Variants in RHCE observed in about 807,000 individuals in gnomAD.
RHCE encodes the protein Rh blood group CcEe antigens, also known as blood group Rh(CE) polypeptide.
RHCE carries 22 observed loss-of-function variants against 43.8 expected under a neutral mutation model. That is an observed-to-expected ratio of 0.50 (90% CI 0.36 to 0.72). The LOEUF (loss-of-function observed/expected upper bound fraction) is 0.72. Among genes scored for constraint, RHCE ranks in the 30% least tolerant of loss-of-function variants. The pLI is 0.00. For missense variants in RHCE, 385 were observed against 525.4 expected (o/e 0.73, Z 2.61); for synonymous variants, 156 against 210.7 (o/e 0.74, Z 2.25).
intron 3 of RHCE, among the ~76,000 whole-genome samples, chr1:25,398,480 A>C: frequency 9.2e-6 from 1 of 108,236 alleles, no homozygotes; most frequent in Non-Finnish European, 2.0e-5. Context: ...ACTCTCTTCC[A>C]CTCCCACAGA....
At chr1:25,402,206 G>GTCTCTCTATCTA (rs796249762) in intron 3 of RHCE, among the ~76,000 whole-genome samples, 2 of 130,384 alleles carry the variant, frequency 1.5e-5, no homozygotes, top group African/African-American at 5.9e-5. Context: ...CTGTCTGTCT[G>GTCTCTCTATCTA]TCTATCTATC....
intron 7 of RHCE, among the ~76,000 whole-genome samples, chr1:25,380,421 A>G (rs1293446227): frequency 2.0e-5 from 3 of 149,910 alleles, no homozygotes; most frequent in Non-Finnish European, 4.4e-5. Context: ...AGTTCTCCCA[A>G]GCTGGCATTG....
At chr1:25,371,477 C>T (rs1031743595) in intron 8 of RHCE, among the ~76,000 whole-genome samples, 2 of 151,432 alleles carry the variant, frequency 1.3e-5, no homozygotes, top group East Asian at 3.9e-4. Flanking sequence ...CACAAGCAAC[C>T]CCCCCACCTC....
intron 5 of RHCE, among the ~76,000 whole-genome samples, chr1:25,389,410 G>T (rs1450422474): frequency 2.6e-5 from 4 of 152,094 alleles, no homozygotes; most frequent in Non-Finnish European, 4.4e-5. Context: ...ACTCATTAGT[G>T]GTGTGTCCCT....
At chr1:25,377,094 G>A (rs1267653722) in intron 7 of RHCE, among the ~76,000 whole-genome samples, 5 of 151,964 alleles carry the variant, frequency 3.3e-5, no homozygotes, top group African/African-American at 1.2e-4. Flanking sequence ...TCAATAGTTT[G>A]CTTCCTCCCC....
At chr1:25,382,351 G>A (rs948631777) in intron 7 of RHCE, among the ~76,000 whole-genome samples, 3 of 149,350 alleles carry the variant, frequency 2.0e-5, no homozygotes, top group Admixed American at 6.6e-5. Context: ...ACAAGAAGAG[G>A]TTCTGGGTGT....
intron 3 of RHCE, among the ~76,000 whole-genome samples, chr1:25,394,668 G>A (rs1646487321): frequency 6.6e-6 from 1 of 152,128 alleles, no homozygotes; most frequent in Non-Finnish European, 1.5e-5. Context: ...CTGGTATATA[G>A]TAAATACCAA....
intron 7 of RHCE, among the ~76,000 whole-genome samples, chr1:25,382,465 G>C (rs1217702410): frequency 2.1e-5 from 3 of 146,090 alleles, no homozygotes; most frequent in African/African-American, 8.3e-5. Context: ...TTTTTTTTAA[G>C]TAATAAGTGG....
intron 1 of RHCE, among the ~76,000 whole-genome samples, chr1:25,414,212 G>C (rs1647208189): frequency 6.6e-6 from 1 of 151,764 alleles, no homozygotes. Context: ...TTGGATAACA[G>C]CACTTTGGCC....
intron 7 of RHCE, among the ~76,000 whole-genome samples, chr1:25,378,102 G>C (rs1645842481): frequency 6.6e-6 from 1 of 152,138 alleles, no homozygotes; most frequent in East Asian, 1.9e-4. Flanking sequence ...TTAGTTATTG[G>C]AGATATCAAA....
At chr1:25,389,476 GTT>G in intron 5 of RHCE, among the ~76,000 whole-genome samples, 1 of 152,290 alleles carries the variant, frequency 6.6e-6, no homozygotes, top group South Asian at 2.1e-4. Context: ...GTCTTGCTAT[GTT>G]GCCTGGGCTG....
upstream of RHCE, among the ~76,000 whole-genome samples, chr1:25,421,700 C>T (rs2042761913): frequency 1.3e-5 from 2 of 152,300 alleles, no homozygotes; most frequent in South Asian, 4.1e-4. Context: ...TGCTCCCATC[C>T]ATGTGCCTGG....
chr1:25,386,702 G>T (rs886309582), intron 6 of RHCE, among the ~76,000 whole-genome samples: 12 of 152,100 alleles, frequency 7.9e-5, no homozygotes, highest in Non-Finnish European at 1.6e-4. Flanking sequence ...GGCGCCTGTA[G>T]TCCCAGCTAC....
intron 1 of RHCE, chr1:25,429,093 T>C (rs946304812): frequency 6.6e-6 from 1 of 152,204 alleles, no homozygotes; most frequent in Admixed American, 6.5e-5. Context: ...AGAGTCATGA[T>C]TGAGGACAAC....
At chr1:25,403,059 C>G (rs1646808542) in intron 2 of RHCE, among the ~76,000 whole-genome samples, 1 of 151,534 alleles carries the variant, frequency 6.6e-6, no homozygotes, top group African/African-American at 2.4e-5. Flanking sequence ...GGTGACTGTT[C>G]CCTCAGGGGA....
At chr1:25,385,197 T>C (rs640362) in intron 7 of RHCE, among the ~76,000 whole-genome samples, 2 of 152,158 alleles carry the variant, frequency 1.3e-5, no homozygotes, top group African/African-American at 2.4e-5. Flanking sequence ...AGGCCCACCC[T>C]TCTCTGGGCC....
chr1:25,429,518 T>C (rs1447441646), intron 1 of RHCE, among the ~76,000 whole-genome samples: 1 of 152,202 alleles, frequency 6.6e-6, no homozygotes, highest in African/African-American at 2.4e-5. Context: ...GGGATTACAC[T>C]GATAAAGCTA....
chr1:25,386,650 G>A (rs376269502), intron 6 of RHCE, among the ~76,000 whole-genome samples: 12 of 152,200 alleles, frequency 7.9e-5, no homozygotes, highest in African/African-American at 2.2e-4. Flanking sequence ...GCGAAACCCC[G>A]TCTCTACTAA....
intron 8 of RHCE, 97 bp from the exon 9 acceptor site, chr1:25,370,637 C>G: frequency 9.2e-7 from 1 of 1,081,142 alleles, no homozygotes; most frequent in Non-Finnish European, 1.4e-6. Flanking sequence ...ACGACAGTGT[C>G]TCAACAGAAA....
Sources: allele counts gnomAD v4.1 joint callset (sites outside exome capture counted in the v4.1 genomes callset), GRCh38; gene constraint gnomAD v4.1.1; transcripts MANE v1.5; gene names NCBI Gene and HGNC (gene_info 2026-07-23, HGNC 2026-07-21).